RASSF8: variants seen among roughly 807,000 people sequenced by gnomAD.
RASSF8 encodes the protein Ras association domain family member 8.
A neutral mutation model predicts 48.5 loss-of-function variants in RASSF8; 22 were observed. The observed-to-expected ratio is 0.45, with a 90% CI of 0.32 to 0.65. RASSF8 has a LOEUF of 0.65. RASSF8 is among the 30% of genes least tolerant of loss of function. The pLI is 0.03. For synonymous variants in RASSF8, 127 were observed against 171.5 expected, an observed-to-expected ratio of 0.74 and a Z score of 2.03; for missense variants, 418 against 489.2, an observed-to-expected ratio of 0.85 and a Z score of 1.37.
intron 1 of RASSF8, among the ~76,000 whole-genome samples, chr12:25,969,811 T>G (rs1941442817): frequency 1.3e-5 from 2 of 152,072 alleles, no homozygotes; most frequent in Admixed American, 1.3e-4. Context: ...AGATGGGTAT[T>G]TCTGGTATTT....
chr12:25,998,623 A>T (rs1246897485), intron 2 of RASSF8, among the ~76,000 whole-genome samples: 1 of 152,200 alleles, frequency 6.6e-6, no homozygotes, highest in Non-Finnish European at 1.5e-5. Context: ...CTGGGATTAC[A>T]GGCGTGAGCC....
chr12:26,001,727 C>G (rs1942263155), intron 2 of RASSF8, among the ~76,000 whole-genome samples: 1 of 151,832 alleles, frequency 6.6e-6, no homozygotes, highest in African/African-American at 2.4e-5. Context: ...CCTATGATAA[C>G]AGTGCCTTCT....
intron 2 of RASSF8, among the ~76,000 whole-genome samples, chr12:25,995,839 T>C (rs1942119787): frequency 6.6e-6 from 1 of 152,182 alleles, no homozygotes; most frequent in African/African-American, 2.4e-5. Context: ...TCTTCACACT[T>C]TACAGGTAAA....
intron 2 of RASSF8, among the ~76,000 whole-genome samples, chr12:26,005,402 ACTC>A (rs1296772677): frequency 6.6e-6 from 1 of 152,066 alleles, no homozygotes; most frequent in Non-Finnish European, 1.5e-5. Context: ...AACTGATTCT[ACTC>A]CTCATTGCAC....
chr12:26,037,857 G>A (rs188471948), intron 2 of RASSF8, among the ~76,000 whole-genome samples: 6 of 152,292 alleles, frequency 3.9e-5, no homozygotes, highest in African/African-American at 1.4e-4. Flanking sequence ...TGTTTTCTCA[G>A]TCAGAGACTA....
At chr12:25,964,656 G>C (rs1218830818) in intron 1 of RASSF8, among the ~76,000 whole-genome samples, 1 of 151,948 alleles carries the variant, frequency 6.6e-6, no homozygotes, top group Non-Finnish European at 1.5e-5. Context: ...AAAGAAATTG[G>C]GATTCTCTTT....
In RASSF8 at chr12:25,959,067, G is replaced by A. The variant is rs1258905546; in HGVS notation, c.-284G>A. 3 of 148,530 alleles carry A rather than the reference G, an allele frequency of 2.0e-5. No individual in the cohort carries two copies. The highest frequency in any genetic ancestry group is 4.9e-5 in the African/African-American group (2 of 41,058). 9.2% of individuals were successfully genotyped at this position (148,530 alleles called of 1,614,324 possible). A position where few individuals can be genotyped will look rare whatever the true frequency, so the allele number is the denominator to read the frequency against. On this transcript the variant is annotated 5_prime_UTR_variant, in exon 1 of 6. Transcript: ENST00000689635. ...CGGGGACGGGCGCTGGGCGGCCGCG[G>A]AGCTCCGGGTGCCGCCGCGTCCCCA...
At chr12:26,049,895 TG>T (rs1235968970) in intron 2 of RASSF8, among the ~76,000 whole-genome samples, 1 of 152,166 alleles carries the variant, frequency 6.6e-6, no homozygotes, top group Non-Finnish European at 1.5e-5. Flanking sequence ...ACCATTCTCC[TG>T]GCCTCAGCCT....
chr12:26,011,874 A>G (rs898312294), intron 2 of RASSF8: 3 of 152,214 alleles, frequency 2.0e-5, no homozygotes, highest in Admixed American at 6.5e-5. Flanking sequence ...GGTATTTATT[A>G]TATTAGCCCA....
intron 1 of RASSF8, among the ~76,000 whole-genome samples, chr12:25,965,248 G>A (rs542480263): frequency 1.3e-5 from 2 of 151,708 alleles, no homozygotes; most frequent in South Asian, 4.2e-4. Flanking sequence ...GCCTTAAACA[G>A]CTTTATTGAG....
chr12:26,003,713 G>A (rs1426388701), intron 2 of RASSF8, among the ~76,000 whole-genome samples: 2 of 151,852 alleles, frequency 1.3e-5, no homozygotes, highest in Non-Finnish European at 2.9e-5. Flanking sequence ...TAATTACTGT[G>A]TTCATTTAAA....
chr12:26,020,890 A>G (rs1490071366), intron 2 of RASSF8, among the ~76,000 whole-genome samples: 1 of 152,210 alleles, frequency 6.6e-6, no homozygotes, highest in African/African-American at 2.4e-5. Context: ...TAAGATGAGG[A>G]AAGTAAAACA....
intron 2 of RASSF8, among the ~76,000 whole-genome samples, chr12:26,051,409 T>G (rs1943487295): frequency 6.6e-6 from 1 of 152,180 alleles, no homozygotes; most frequent in Admixed American, 6.5e-5. Context: ...TCCTGTTAGT[T>G]TTTGGGGAGT....
intron 3 of RASSF8, among the ~76,000 whole-genome samples, chr12:26,060,876 A>G (rs1312428072): frequency 6.6e-6 from 1 of 152,208 alleles, no homozygotes; most frequent in Admixed American, 6.5e-5. Flanking sequence ...AAGATATGTT[A>G]GCATTAAATT....
chr12:25,965,239 C>T (rs853656), intron 1 of RASSF8, among the ~76,000 whole-genome samples: 21,287 of 152,146 alleles, frequency 0.14, 1,815 homozygotes, highest in East Asian at 0.27. Context: ...CCGTGCCCAG[C>T]CTTAAACAGC....
intron 2 of RASSF8, among the ~76,000 whole-genome samples, chr12:26,048,230 C>A (rs1472322): frequency 0.85 from 128,643 of 152,210 alleles, 54,474 homozygotes; most frequent in East Asian, 0.99. Context: ...CTCTGAAATG[C>A]ATAACCTTTT....
chr12:26,030,802 T>C (rs1943014847), intron 2 of RASSF8, among the ~76,000 whole-genome samples: 7 of 152,168 alleles, frequency 4.6e-5, no homozygotes. Flanking sequence ...GACAAGTGCC[T>C]GGTTTTGGGG....
chr12:26,071,995 T>C lies in RASSF8; in HGVS notation c.*3177T>C. ...GACTGTTCATTTGAAGCCATTTCTGTAAACATCTTCCAAGATAGAACTGTA... is the reference window on the plus strand; with the variant it reads ...GACTGTTCATTTGAAGCCATTTCTGCAAACATCTTCCAAGATAGAACTGTA... On this transcript the variant is annotated 3_prime_UTR_variant, in exon 6 of 6. Transcript: ENST00000689635. 1 of 985,386 alleles carries C rather than the reference T, an allele frequency of 1.0e-6. No individual in the cohort carries two copies. Among genetic ancestry groups the C allele is most frequent in the African/African-American group, 1.7e-5 (1 of 57,356 alleles). 61.0% of individuals were successfully genotyped at this position (985,386 alleles called of 1,614,324 possible).
At chr12:25,971,579 GAAA>G (rs759901394) in intron 1 of RASSF8, among the ~76,000 whole-genome samples, 2 of 147,082 alleles carry the variant, frequency 1.4e-5, no homozygotes, top group African/African-American at 2.6e-5. Flanking sequence ...GGAAAAAAAA[GAAA>G]AAAAAAGAAG....
Sources: allele counts gnomAD v4.1 joint callset (sites outside exome capture counted in the v4.1 genomes callset), GRCh38; gene constraint gnomAD v4.1.1; transcripts MANE v1.5; gene names NCBI Gene and HGNC (gene_info 2026-07-23, HGNC 2026-07-21).